Variants in ABLIM1 observed in about 807,000 individuals in gnomAD.
The protein encoded by ABLIM1 is actin-binding LIM protein 1.
ABLIM1 carries 40 observed loss-of-function variants against 107.0 expected under a neutral mutation model. That is an observed-to-expected ratio of 0.37 (90% CI 0.29 to 0.49). The LOEUF (loss-of-function observed/expected upper bound fraction) is 0.49. Ranked by LOEUF, ABLIM1 falls within the 20% of genes least tolerant of loss-of-function variation. ABLIM1 has a pLI of 0.97. For synonymous variants in ABLIM1, 357 were observed against 357.3 expected (o/e 1.00, Z 0.01); for missense variants, 857 against 1,008.5 (o/e 0.85, Z 2.04).
At chr10:114,545,299 C>T (rs540346041) in intron 5 of ABLIM1, among the ~76,000 whole-genome samples, 3 of 152,302 alleles carry the variant, frequency 2.0e-5, no homozygotes, top group Admixed American at 1.3e-4. Flanking sequence ...GAGCACTCTG[C>T]GGCTCTCGGT....
At chr10:114,694,165 T>C (rs145584771) in intron 1 of ABLIM1, among the ~76,000 whole-genome samples, 1 of 152,354 alleles carries the variant, frequency 6.6e-6, no homozygotes, top group African/African-American at 2.4e-5. Flanking sequence ...GGAAAGGATG[T>C]GAACACACCC....
rs562361268 is a variant in ABLIM1 at position 114,693,268 on chromosome 10, C to A, written c.-213+74793G>T. Among the ~76,000 whole-genome samples the A allele has an allele frequency of 3.2e-4, 49 of 152,304 alleles. 1 individual carries two copies. The South Asian group carries it at 0.01, about 32-fold the overall frequency. ...TTTATTTTCTGGGCTTCCAGGTGAG[C>A]CTTCATCTGAAGAAAGGGTTCCATA... On this transcript the variant is annotated intron_variant, in intron 1 of 15. Coordinates refer to the ABLIM1 transcript ENST00000651092.
chr10:114,608,290 G>A (rs1381559396), intron 1 of ABLIM1, among the ~76,000 whole-genome samples: 2 of 152,186 alleles, frequency 1.3e-5, no homozygotes, highest in African/African-American at 4.8e-5. Context: ...TTTGAACCCA[G>A]GAGGTGGAGG....
intron 6 of ABLIM1, among the ~76,000 whole-genome samples, chr10:114,498,613 A>T (rs1412987096): frequency 6.6e-6 from 1 of 152,216 alleles, no homozygotes; most frequent in African/African-American, 2.4e-5. Context: ...AGATGGGAAG[A>T]TGGCCCTGAA....
At chr10:114,581,911 A>G (rs1218663308) in intron 2 of ABLIM1, among the ~76,000 whole-genome samples, 1 of 152,142 alleles carries the variant, frequency 6.6e-6, no homozygotes, top group Non-Finnish European at 1.5e-5. Context: ...ACTCACAGCC[A>G]ATATCATACT....
At chr10:114,646,848 T>C (rs766973483) in intron 1 of ABLIM1, among the ~76,000 whole-genome samples, 8 of 152,246 alleles carry the variant, frequency 5.3e-5, no homozygotes, top group Admixed American at 2.6e-4. Flanking sequence ...AATAGACCAA[T>C]TGAACCACGA....
intron 6 of ABLIM1, among the ~76,000 whole-genome samples, chr10:114,543,454 A>C (rs2066939615): frequency 6.6e-6 from 1 of 152,220 alleles, no homozygotes; most frequent in African/African-American, 2.4e-5. Context: ...TTAAAGGCTC[A>C]TCCTGTGGTT....
chr10:114,552,056 G>C (rs1056613391), intron 4 of ABLIM1, among the ~76,000 whole-genome samples: 3 of 152,094 alleles, frequency 2.0e-5, no homozygotes, highest in African/African-American at 7.2e-5. Context: ...TCAACAAAGA[G>C]CACCTCCTAG....
At chr10:114,513,525 C>A (rs17779843) in intron 6 of ABLIM1, among the ~76,000 whole-genome samples, 19 of 152,192 alleles carry the variant, frequency 1.2e-4, no homozygotes, top group Non-Finnish European at 2.6e-4. Flanking sequence ...GTTAATACCA[C>A]ACTGTGGCAA....
At chr10:114,696,389 G>A (rs1162501014) in intron 1 of ABLIM1, among the ~76,000 whole-genome samples, 1 of 152,172 alleles carries the variant, frequency 6.6e-6, no homozygotes, top group Non-Finnish European at 1.5e-5. Context: ...TCACATGGAT[G>A]AGCTTCATTG....
chr10:114,457,046 AAC>A (rs371331453), intron 12 of ABLIM1, among the ~76,000 whole-genome samples: 13 of 152,296 alleles, frequency 8.5e-5, no homozygotes, highest in African/African-American at 2.9e-4. Context: ...GAGACCCAAT[AAC>A]ACACCCATCT....
intron 1 of ABLIM1, among the ~76,000 whole-genome samples, chr10:114,701,413 A>G (rs1294186801): frequency 6.6e-6 from 1 of 152,160 alleles, no homozygotes; most frequent in Admixed American, 6.5e-5. Context: ...CCACATCTAG[A>G]TCTTTTACCA....
intron 1 of ABLIM1, among the ~76,000 whole-genome samples, chr10:114,613,377 G>A (rs1465773114): frequency 1.3e-5 from 2 of 152,182 alleles, no homozygotes; most frequent in East Asian, 3.9e-4. Flanking sequence ...CTGTATGGTT[G>A]ACTCCACCTT....
intron 1 of ABLIM1, among the ~76,000 whole-genome samples, chr10:114,651,352 G>A (rs937659620): frequency 6.6e-6 from 1 of 152,188 alleles, no homozygotes; most frequent in Admixed American, 6.5e-5. Context: ...GATGTGCAGA[G>A]GATGCTATGA....
rs2140390816 is a variant in ABLIM1, at chr10:114,619,155, C to T, written c.245-17194G>A. Among the ~76,000 whole-genome samples the T allele has an allele frequency of 6.6e-6, 1 of 151,952 alleles. No individual in the cohort carries two copies. The highest frequency in any genetic ancestry group is 1.5e-5 in the Non-Finnish European group (1 of 67,954). The stretch of plus-strand genomic sequence containing the variant: ...GGGAGGGGTGAACTCTCTCCAAAGC[C>T]CTTAAATTATATTTTTTCTTTTTTT... On this transcript the variant is annotated intron_variant, in intron 1 of 22. Transcript: ENST00000533213. The surrounding 1 kb of genome is among the most constrained non-coding windows in gnomAD (Gnocchi z 4.1).
chr10:114,507,508 C>T (rs34026084), intron 6 of ABLIM1, among the ~76,000 whole-genome samples: 2,550 of 152,334 alleles, frequency 0.017, 19 homozygotes, highest in Non-Finnish European at 0.028. Flanking sequence ...ACATTCCAGA[C>T]CTCTACATGC....
At chr10:114,447,075 G>C (rs1384534620) in intron 15 of ABLIM1, among the ~76,000 whole-genome samples, 8 of 152,116 alleles carry the variant, frequency 5.3e-5, no homozygotes, top group Non-Finnish European at 1.0e-4. Flanking sequence ...TTGGAAAATT[G>C]AAGGCCTTTT....
intron 19 of ABLIM1, chr10:114,440,763 T>C (rs1407862918): frequency 6.8e-6 from 4 of 584,474 alleles, no homozygotes; most frequent in Admixed American, 6.6e-5. Flanking sequence ...GCCTGGCCTC[T>C]AGGTATCTGA....
intron 6 of ABLIM1, among the ~76,000 whole-genome samples, chr10:114,504,077 G>A (rs2060794477): frequency 6.6e-6 from 1 of 152,190 alleles, no homozygotes; most frequent in African/African-American, 2.4e-5. Flanking sequence ...CAGGACCAAG[G>A]CTCACTGAAA....
Sources: allele counts gnomAD v4.1 joint callset (sites outside exome capture counted in the v4.1 genomes callset), GRCh38; gene constraint gnomAD v4.1.1; non-coding constraint Gnocchi (gnomAD v3.1); transcripts MANE v1.5; gene names NCBI Gene and HGNC (gene_info 2026-07-23, HGNC 2026-07-21).